PCOLCE2: variants seen among roughly 807,000 people sequenced by gnomAD.
The protein encoded by PCOLCE2 is procollagen C-endopeptidase enhancer 2.
Under a neutral mutation model 47.0 loss-of-function variants are expected in PCOLCE2, and 42 were observed. That is an observed-to-expected ratio of 0.89 (90% confidence interval 0.70 to 1.16). The LOEUF is 1.16. Ranked by LOEUF, PCOLCE2 falls within the 50% of genes most tolerant of loss-of-function variation. The probability of loss-of-function intolerance (pLI) is 0.00; values close to 1 mark genes in which losing one functional copy is unlikely to be tolerated. For synonymous variants in PCOLCE2, 169 were observed against 191.7 expected, an observed-to-expected ratio of 0.88 and a Z score of 0.98; for missense variants, 500 against 526.1, an observed-to-expected ratio of 0.95 and a Z score of 0.49.
intron 3 of PCOLCE2, among the ~76,000 whole-genome samples, chr3:142,847,388 C>T (rs1293119490): frequency 6.6e-6 from 1 of 152,188 alleles, no homozygotes; most frequent in African/African-American, 2.4e-5. Flanking sequence ...AAAAATGTTG[C>T]ACTACAGTCC....
chr3:142,857,258 C>CT (rs1219981497), intron 2 of PCOLCE2, among the ~76,000 whole-genome samples: 1 of 152,208 alleles, frequency 6.6e-6, no homozygotes. Context: ...TAAATAGCAC[C>CT]TAGTGGCTGA....
chr3:142,876,369 T>C (rs1416601380), intron 2 of PCOLCE2, among the ~76,000 whole-genome samples: 1 of 152,196 alleles, frequency 6.6e-6, no homozygotes, highest in African/African-American at 2.4e-5. Context: ...GTAGGGAGTA[T>C]CATTATCCAC....
intron 5 of PCOLCE2, among the ~76,000 whole-genome samples, chr3:142,836,833 A>G (rs533045062): frequency 3.3e-5 from 5 of 152,136 alleles, no homozygotes; most frequent in Non-Finnish European, 7.4e-5. Context: ...AATGGAGGAA[A>G]GTTTCAAGGG....
chr3:142,836,083 A>G (rs1937200252), intron 5 of PCOLCE2, among the ~76,000 whole-genome samples: 1 of 152,346 alleles, frequency 6.6e-6, no homozygotes, highest in East Asian at 1.9e-4. Context: ...GGCATTATCA[A>G]CTTGGAAGCT....
chr3:142,862,163 G>T (rs570117244), intron 2 of PCOLCE2, among the ~76,000 whole-genome samples: 1 of 152,316 alleles, frequency 6.6e-6, no homozygotes, highest in East Asian at 1.9e-4. Flanking sequence ...CACCCTTGCT[G>T]CTGGAGGTGG....
chr3:142,824,089 T>G (rs79119655), intron 6 of PCOLCE2, among the ~76,000 whole-genome samples: 5 of 152,224 alleles, frequency 3.3e-5, no homozygotes, highest in African/African-American at 9.6e-5. Context: ...ATACTGTTCA[T>G]GTGTAAAGTG....
chr3:142,821,062 T>C lies in PCOLCE2; in HGVS notation c.950-17A>G. On this transcript the variant is annotated splice_polypyrimidine_tract_variant and intron_variant, in intron 7 of 8. Coordinates refer to ENST00000295992, the MANE Select transcript of PCOLCE2 (RefSeq NM_013363.4). ...CGGCTAATACTGCAGAAGAAAACAT[T>C]TTGAAGTGATGTGACAGTGAAGGCA... 1 of 1,578,350 alleles carries C rather than the reference T, an allele frequency of 6.3e-7. No individual in the cohort carries two copies. Among genetic ancestry groups the C allele is most frequent in the Non-Finnish European group, 8.7e-7 (1 of 1,151,186 alleles).
intron 2 of PCOLCE2, among the ~76,000 whole-genome samples, chr3:142,882,025 ATCG>A (rs1933631611): frequency 6.6e-6 from 1 of 151,776 alleles, no homozygotes; most frequent in African/African-American, 2.4e-5. Flanking sequence ...CATCATCATC[ATCG>A]TCGTCATCAT....
chr3:142,853,829 G>A (rs894688454), intron 2 of PCOLCE2, among the ~76,000 whole-genome samples: 1 of 152,158 alleles, frequency 6.6e-6, no homozygotes, highest in Non-Finnish European at 1.5e-5. Context: ...TTGATTTGGG[G>A]ATTCATTATC....
At chr3:142,831,303 G>C (rs141842555) in intron 5 of PCOLCE2, among the ~76,000 whole-genome samples, 139 of 152,308 alleles carry the variant, frequency 9.1e-4, no homozygotes, top group African/African-American at 3.3e-3. Context: ...GGCTTTATAA[G>C]ACGAGAGACC....
chr3:142,823,604 T>C lies in PCOLCE2; in HGVS notation c.877A>G (p.Thr293Ala), dbSNP rs747573556. 2.5e-6 allele frequency: 4 copies of C among 1,604,406 alleles called. No individual in the cohort carries two copies. In the African/African-American group the frequency reaches 5.4e-5, roughly 21 times the overall value. Residue 293 changes from threonine to alanine, a missense_variant, in exon 7 of 9, where the codon ACC (threonine) becomes GCC (alanine). Transcript: ENST00000295992. ...CACTTTTGTTGACACAAGGCCACGG[T>C]GGGTTTTAAACCTTAATTCAAAGAA... ...TFPVTTGLKPTVALCQQKCRR... is the reference protein window; with the variant it reads ...TFPVTTGLKPAVALCQQKCRR...
intron 2 of PCOLCE2, among the ~76,000 whole-genome samples, chr3:142,859,585 GTC>G (rs1312247801): frequency 6.7e-6 from 1 of 149,854 alleles, no homozygotes; most frequent in Non-Finnish European, 1.5e-5. Context: ...TTGAGACGAA[GTC>G]TCTCTGTGTC....
At chr3:142,864,322 C>A (rs931413135) in intron 2 of PCOLCE2, 1 of 152,050 alleles carries the variant, frequency 6.6e-6, no homozygotes, top group Non-Finnish European at 1.5e-5. Context: ...CAAGGAGAAG[C>A]TGATTCTTAA....
At position 142,843,113 on chromosome 3, in the gene PCOLCE2, G is replaced by A; in HGVS notation, c.449-65C>T. 6 of 1,501,496 alleles carry A rather than the reference G, an allele frequency of 4.0e-6. No homozygotes were observed. In the South Asian group the frequency reaches 7.0e-5, roughly 17 times the overall value. The allele number at this position is 1,501,496 out of a possible 1,614,324, so 93.0% of individuals were successfully genotyped here. On this transcript the variant is annotated intron_variant, in intron 3 of 8. Transcript: ENST00000295992. ...GTAGGTTACAGCAATACAACCATGT[G>A]GAGATTAGGAATGTGGGATCTTTGG...
chr3:142,877,117 A>T (rs1933511721), intron 2 of PCOLCE2, among the ~76,000 whole-genome samples: 1 of 152,242 alleles, frequency 6.6e-6, no homozygotes, highest in Non-Finnish European at 1.5e-5. Flanking sequence ...TGGGACTCCA[A>T]AGGTAAATTA....
chr3:142,825,431 C>T (rs981617884), intron 6 of PCOLCE2, among the ~76,000 whole-genome samples: 3 of 152,114 alleles, frequency 2.0e-5, no homozygotes, highest in South Asian at 2.1e-4. Flanking sequence ...TGTGTTCCCG[C>T]GATCGTTTCT....
chr3:142,821,064 T>G lies in PCOLCE2; in HGVS notation c.950-19A>C. ...GCTAATACTGCAGAAGAAAACATTT[T>G]GAAGTGATGTGACAGTGAAGGCAAA... On this transcript the variant is annotated intron_variant, in intron 7 of 8. Transcript: ENST00000295992. 1 of 1,573,786 alleles carries G rather than the reference T, an allele frequency of 6.4e-7. No homozygotes were observed. Among genetic ancestry groups the G allele is most frequent in the Non-Finnish European group, 8.7e-7 (1 of 1,147,610 alleles).
At chr3:142,869,757 C>T (rs1290623330) in intron 2 of PCOLCE2, among the ~76,000 whole-genome samples, 1 of 152,208 alleles carries the variant, frequency 6.6e-6, no homozygotes, top group Non-Finnish European at 1.5e-5. Flanking sequence ...GAAGCCCCCA[C>T]ACTTCAAGTT....
At chr3:142,869,280 G>A (rs1403767542) in intron 2 of PCOLCE2, among the ~76,000 whole-genome samples, 1 of 150,904 alleles carries the variant, frequency 6.6e-6, no homozygotes. Flanking sequence ...GACAGAGTGA[G>A]ACTCTGTCTC....
Sources: gnomAD v4.1 joint callset for allele counts (sites outside exome capture counted in the v4.1 genomes callset) on GRCh38, gnomAD v4.1.1 for gene constraint, MANE v1.5 for transcripts, NCBI Gene and HGNC (gene_info 2026-07-23, HGNC 2026-07-21) for gene names.